GALNT10: variants seen among roughly 807,000 people sequenced by gnomAD.
GALNT10 encodes GalNAc transferase 10.
Under a neutral mutation model 75.0 loss-of-function variants are expected in GALNT10, and 41 were observed. The ratio of observed to expected loss-of-function variants is 0.55; its 90% confidence interval spans 0.43 to 0.71. GALNT10 has a LOEUF of 0.71. GALNT10 is among the 30% of genes least tolerant of loss of function. The pLI is 0.00. For synonymous variants in GALNT10, 302 were observed against 313.0 expected (o/e 0.96, Z 0.37); for missense variants, 727 against 818.5 (o/e 0.89, Z 1.36).
At chr5:154,287,913 T>TGTGA (rs1216974853) in intron 1 of GALNT10, among the ~76,000 whole-genome samples, 2,396 of 148,142 alleles carry the variant, frequency 0.016, 20 homozygotes, top group Middle Eastern at 0.054. Flanking sequence ...TGTGTGTGTG[T>TGTGA]GAGAGAGAGA....
chr5:154,366,037 G>A (rs1363112466), intron 4 of GALNT10, among the ~76,000 whole-genome samples: 1 of 152,184 alleles, frequency 6.6e-6, no homozygotes, highest in African/African-American at 2.4e-5. Context: ...CGTTTTGGTT[G>A]GAACTCCACC....
At chr5:154,202,254 G>C (rs1052552367) in intron 1 of GALNT10, among the ~76,000 whole-genome samples, 3 of 152,198 alleles carry the variant, frequency 2.0e-5, no homozygotes, top group Non-Finnish European at 2.9e-5. Context: ...GCAGGAGTGG[G>C]GGTCCCTCTG....
intron 3 of GALNT10, among the ~76,000 whole-genome samples, chr5:154,317,303 CA>C (rs1754608097): frequency 6.6e-6 from 1 of 152,176 alleles, no homozygotes; most frequent in Non-Finnish European, 1.5e-5. Context: ...TGTTCTATTT[CA>C]AAGTTTACTC....
At chr5:154,396,302 A>G (rs957956157) in intron 7 of GALNT10, among the ~76,000 whole-genome samples, 2 of 152,222 alleles carry the variant, frequency 1.3e-5, no homozygotes, top group African/African-American at 4.8e-5. Flanking sequence ...CAGGGCAGAA[A>G]AGTGAATGCA....
At chr5:154,372,739 C>T (rs1395090042) in intron 4 of GALNT10, among the ~76,000 whole-genome samples, 6 of 152,054 alleles carry the variant, frequency 3.9e-5, no homozygotes, top group Non-Finnish European at 8.8e-5. Context: ...ACACATGGAC[C>T]TCGGCAGCCC....
At chr5:154,415,357 A>C (rs1756482706) in intron 10 of GALNT10, among the ~76,000 whole-genome samples, 1 of 150,898 alleles carries the variant, frequency 6.6e-6, no homozygotes, top group African/African-American at 2.4e-5. Flanking sequence ...TTTTTTTTTG[A>C]GACAGAGTCT....
chr5:154,374,299 C>T (rs1426086078), intron 4 of GALNT10, among the ~76,000 whole-genome samples: 1 of 152,118 alleles, frequency 6.6e-6, no homozygotes, highest in Admixed American at 6.5e-5. Context: ...CATTTTTTAG[C>T]CTTCTAGCCT....
At chr5:154,239,968 T>C (rs1753306316) in intron 1 of GALNT10, among the ~76,000 whole-genome samples, 1 of 152,222 alleles carries the variant, frequency 6.6e-6, no homozygotes, top group African/African-American at 2.4e-5. Flanking sequence ...CTTAGAAGAC[T>C]GAATTGCTTA....
In GALNT10 at chr5:154,420,140, C is replaced by T. The variant is rs1756600167; in HGVS notation, c.*3168C>T. The T allele has an allele frequency of 6.6e-6, 1 of 152,220 alleles. No homozygotes were observed. Among genetic ancestry groups the T allele is most frequent in the South Asian group, 2.1e-4 (1 of 4,834 alleles). 9.4% of individuals were successfully genotyped at this position (152,220 alleles called of 1,614,324 possible). A position where few individuals can be genotyped will look rare whatever the true frequency, so the allele number is the denominator to read the frequency against. On this transcript the variant is annotated 3_prime_UTR_variant, in exon 12 of 12. Coordinates refer to ENST00000297107, the MANE Select transcript of GALNT10 (RefSeq NM_198321.4). ...AAACAGTCAGAAACTATTGATTCTT[C>T]CCTTTAGGAAAAAATGCTCAGGCAG... is the stretch of plus-strand genomic sequence containing the variant.
At chr5:154,381,055 C>T (rs1755726322) in intron 6 of GALNT10, among the ~76,000 whole-genome samples, 2 of 152,210 alleles carry the variant, frequency 1.3e-5, no homozygotes, top group South Asian at 2.1e-4. Context: ...AATGGGGACA[C>T]CAATGCTCCA....
chr5:154,232,235 T>C (rs1753162251), intron 1 of GALNT10, among the ~76,000 whole-genome samples: 2 of 152,342 alleles, frequency 1.3e-5, no homozygotes, highest in Admixed American at 6.5e-5. Context: ...TTTATTTTCA[T>C]CCTTAATAAA....
rs1259117396 is a variant in GALNT10, at chr5:154,409,624, C to T, written c.1248C>T (p.Ser416=). ...YQRRPEYRHL[S]AGDVAVQKKL... is the part of the protein sequence containing the mutation. The stretch of plus-strand genomic sequence containing the variant: ...GCCGGCCTGAATACCGCCACCTCTC[C>T]GCTGGGGATGTCGCAGTCCAGAAAA... The change falls in exon 9 of 12, where the codon TCC becomes TCT. Residue 416 remains serine, a synonymous_variant. Transcript: ENST00000297107. The surrounding 1 kb of genome is among the most constrained non-coding windows in gnomAD (Gnocchi z 4.5). 1.1e-5 allele frequency: 17 copies of T among 1,613,620 alleles called. No individual in the cohort carries two copies. Among genetic ancestry groups the T allele is most frequent in the East Asian group, 2.2e-5 (1 of 44,876 alleles).
chr5:154,338,865 CCTTAT>C (rs796683700), intron 4 of GALNT10, among the ~76,000 whole-genome samples: 52 of 152,296 alleles, frequency 3.4e-4, no homozygotes, highest in African/African-American at 1.2e-3. Context: ...TCTTTGTACC[CCTTAT>C]CTTCTGAACT....
At chr5:154,276,747 G>A (rs1458210812) in intron 1 of GALNT10, among the ~76,000 whole-genome samples, 1 of 152,176 alleles carries the variant, frequency 6.6e-6, no homozygotes, top group African/African-American at 2.4e-5. Flanking sequence ...ACTTTAAGTG[G>A]TAACTTCCAA....
At chr5:154,377,187 A>G (rs1755662236) in intron 5 of GALNT10, among the ~76,000 whole-genome samples, 2 of 152,224 alleles carry the variant, frequency 1.3e-5, no homozygotes, top group Admixed American at 1.3e-4. Context: ...AGGCTGGGTG[A>G]AACATGCCTG....
At position 154,259,074 on chromosome 5, in the gene GALNT10, C is replaced by T. The variant is rs193052545; in HGVS notation, c.160-35742C>T. On this transcript the variant is annotated intron_variant, in intron 1 of 11. Coordinates refer to ENST00000297107, the MANE Select transcript of GALNT10 (RefSeq NM_198321.4). Reference sequence around the variant, plus strand: ...GAAACAATATTATTAACTTATATACCGATTTTATTTGAATATCAGCAGTTT... The same window carrying T: ...GAAACAATATTATTAACTTATATACTGATTTTATTTGAATATCAGCAGTTT... Among the ~76,000 whole-genome samples the T allele has an allele frequency of 3.2e-3, 481 of 152,106 alleles. 1 individual carries two copies. Among genetic ancestry groups the T allele is most frequent in the African/African-American group, 0.011 (464 of 41,492 alleles).
chr5:154,289,034 G>C (rs1305554643), intron 1 of GALNT10, among the ~76,000 whole-genome samples: 1 of 152,230 alleles, frequency 6.6e-6, no homozygotes, highest in Non-Finnish European at 1.5e-5. Context: ...TCAGGTGGTA[G>C]ATAGGTTGCC....
intron 3 of GALNT10, among the ~76,000 whole-genome samples, chr5:154,303,114 CA>C (rs151103593): frequency 2.7e-5 from 4 of 149,792 alleles, no homozygotes; most frequent in East Asian, 1.9e-4. Flanking sequence ...ACCCCCCACC[CA>C]AAAAAAAAGG....
intron 1 of GALNT10, among the ~76,000 whole-genome samples, chr5:154,269,183 A>C (rs1337634850): frequency 6.6e-6 from 1 of 151,534 alleles, no homozygotes; most frequent in African/African-American, 2.4e-5. Context: ...ACGGGGTTTC[A>C]CCATGTTGGC....
Sources: gnomAD v4.1 joint callset for allele counts (sites outside exome capture counted in the v4.1 genomes callset) on GRCh38, gnomAD v4.1.1 for gene constraint, Gnocchi (gnomAD v3.1) non-coding constraint, MANE v1.5 for transcripts, NCBI Gene and HGNC (gene_info 2026-07-23, HGNC 2026-07-21) for gene names.